The following RBPJ variants were observed in gnomAD, a reference collection of about 807,000 sequenced individuals.
RBPJ encodes recombining binding protein suppressor of hairless.
Under a neutral mutation model 67.8 loss-of-function variants are expected in RBPJ, and 9 were observed. The observed-to-expected ratio is 0.13, with a 90% CI of 0.08 to 0.23. The LOEUF is 0.23. Among genes scored for constraint, RBPJ ranks in the 10% least tolerant of loss-of-function variants. The pLI, the probability that RBPJ is intolerant of heterozygous loss-of-function variation, is 1.00. For synonymous variants in RBPJ, 198 were observed against 203.3 expected (o/e 0.97, Z 0.22); for missense variants, 305 against 595.6 (o/e 0.51, Z 5.08).
chr4:26,244,240 T>TATGTGTACACATACAC (rs1719770238), intron 1 of RBPJ, among the ~76,000 whole-genome samples: 1 of 105,440 alleles, frequency 9.5e-6, no homozygotes, highest in Non-Finnish European at 2.0e-5. Flanking sequence ...TATGTGTCTA[T>TATGTGTACACATACAC]ATATGTGTAC....
At chr4:26,145,005 C>T in the RBPJ span, among the ~76,000 whole-genome samples, 1 of 151,848 alleles carries the variant, frequency 6.6e-6, no homozygotes, top group Admixed American at 6.6e-5. Context: ...AGTAAGTCTC[C>T]CTCAACCTGC....
chr4:26,216,307 A>G (rs562615104), intron 1 of RBPJ, among the ~76,000 whole-genome samples: 9 of 152,288 alleles, frequency 5.9e-5, no homozygotes, highest in Admixed American at 3.9e-4. Context: ...TCATTTGGGA[A>G]GGGGGCCACC....
At chr4:26,361,058 C>CGTGT (rs55870302) in intron 1 of RBPJ, among the ~76,000 whole-genome samples, 4,749 of 148,750 alleles carry the variant, frequency 0.032, 218 homozygotes, top group African/African-American at 0.1. Flanking sequence ...AGTGTGTGTG[C>CGTGT]GTGTGTGTGT....
chr4:26,429,050 G>T (rs1185295484), intron 8 of RBPJ, among the ~76,000 whole-genome samples, 190 bp downstream of exon 8: 1 of 152,158 alleles, frequency 6.6e-6, no homozygotes, highest in Non-Finnish European at 1.5e-5. Context: ...CCTCAAGGAA[G>T]AACTCAAAAT....
At chr4:26,268,235 T>A (rs1368117774) in intron 1 of RBPJ, among the ~76,000 whole-genome samples, 1 of 152,116 alleles carries the variant, frequency 6.6e-6, no homozygotes, top group Non-Finnish European at 1.5e-5. Flanking sequence ...TTTGTTTGCC[T>A]CATTCCTTTA....
At chr4:26,263,100 T>G (rs1211309732) in intron 1 of RBPJ, among the ~76,000 whole-genome samples, 2 of 152,222 alleles carry the variant, frequency 1.3e-5, no homozygotes, top group African/African-American at 4.8e-5. Context: ...CGCACTTTGA[T>G]TGTACCCTAT....
chr4:26,136,120 A>T, the RBPJ span, among the ~76,000 whole-genome samples: 1 of 152,200 alleles, frequency 6.6e-6, no homozygotes, highest in Non-Finnish European at 1.5e-5. Flanking sequence ...CGCTACCACA[A>T]GGACAGTATG....
chr4:26,214,998 G>GGGAA (rs1204609052), intron 1 of RBPJ, among the ~76,000 whole-genome samples: 1 of 32,096 alleles, frequency 3.1e-5, no homozygotes, highest in Admixed American at 3.3e-4. Context: ...GAGGGAGGGA[G>GGGAA]GGAAGGAAGG....
chr4:26,117,311 C>T, the RBPJ span, among the ~76,000 whole-genome samples: 1 of 152,204 alleles, frequency 6.6e-6, no homozygotes, highest in African/African-American at 2.4e-5. Context: ...AAGCATCCTG[C>T]CCTGGCTTTT....
intron 1 of RBPJ, among the ~76,000 whole-genome samples, chr4:26,234,732 A>G (rs980134777): frequency 1.3e-5 from 2 of 151,938 alleles, no homozygotes; most frequent in African/African-American, 4.8e-5. Context: ...TCGCTCTGTC[A>G]CCCAGGCTGG....
At chr4:26,290,985 C>T (rs1327056912) in intron 1 of RBPJ, among the ~76,000 whole-genome samples, 1 of 150,980 alleles carries the variant, frequency 6.6e-6, no homozygotes, top group Admixed American at 6.6e-5. Flanking sequence ...AAGCATTCCC[C>T]TTGAATGCTG....
chr4:26,214,639 G>A (rs1179028950), intron 1 of RBPJ, among the ~76,000 whole-genome samples: 1 of 130,504 alleles, frequency 7.7e-6, no homozygotes, highest in African/African-American at 3.1e-5. Flanking sequence ...GAAAGAAAAA[G>A]AAAAAAGAAA....
At chr4:26,141,042 T>G in the RBPJ span, among the ~76,000 whole-genome samples, 1 of 152,140 alleles carries the variant, frequency 6.6e-6, no homozygotes, top group Non-Finnish European at 1.5e-5. Context: ...TAAGACTGTC[T>G]GGGGTAGATC....
intron 4 of RBPJ, among the ~76,000 whole-genome samples, chr4:26,419,049 G>A (rs1195771252): frequency 2.0e-5 from 3 of 152,156 alleles, no homozygotes; most frequent in South Asian, 2.1e-4. Flanking sequence ...TGGGATCACG[G>A]CCCATTACAA....
At chr4:26,387,799 A>G (rs1318592771) in intron 2 of RBPJ, among the ~76,000 whole-genome samples, 1 of 152,222 alleles carries the variant, frequency 6.6e-6, no homozygotes, top group African/African-American at 2.4e-5. Flanking sequence ...AGGGCTATGA[A>G]TTGTGCCTGT....
At chr4:26,378,170 C>T (rs968009924) in intron 1 of RBPJ, among the ~76,000 whole-genome samples, 2 of 151,952 alleles carry the variant, frequency 1.3e-5, no homozygotes, top group African/African-American at 4.8e-5. Flanking sequence ...TTGGCTTGTT[C>T]CTTATGTTTA....
At chr4:26,399,869 G>A (rs541087436) in intron 2 of RBPJ, among the ~76,000 whole-genome samples, 4 of 151,972 alleles carry the variant, frequency 2.6e-5, no homozygotes, top group African/African-American at 9.6e-5. Flanking sequence ...TGTAGAGATG[G>A]GGTTTCACTA....
rs368423775 is a variant in RBPJ, at chr4:26,247,419, G to C, written c.-167+83805G>C. 6.1e-5 allele frequency among the ~76,000 whole-genome samples: 9 copies of C among 147,978 alleles called. No individual in the cohort carries two copies. The East Asian group carries it at 9.8e-4, about 16-fold the overall frequency. On this transcript the variant is annotated intron_variant, in intron 1 of 4. Coordinates refer to the RBPJ transcript ENST00000512351. ...ATTTTTTCATAATACTTTTTTTTTT[G>C]GGTGGAGGGGGACGGAGTTTCGCTC...
chr4:26,244,240 T>TATATGTATACAC lies in RBPJ; in HGVS notation c.-167+80632_-167+80633insATACACATATGT, dbSNP rs1560225972. 3.9e-4 allele frequency among the ~76,000 whole-genome samples: 41 copies of TATATGTATACAC among 105,456 alleles called. 3 individuals are homozygous for TATATGTATACAC. Among genetic ancestry groups the TATATGTATACAC allele is most frequent in the East Asian group, 8.2e-4 (3 of 3,672 alleles). 69.2% of individuals were successfully genotyped at this position (105,456 alleles called of 152,430 possible). ...ATATGTGTACACATATATGTGTCTA[T>TATATGTATACAC]ATATGTGTACACATACACATATGTG... On this transcript the variant is annotated intron_variant, in intron 1 of 4. Coordinates refer to the RBPJ transcript ENST00000512351.
Sources: gnomAD v4.1 joint callset for allele counts (sites outside exome capture counted in the v4.1 genomes callset) on GRCh38, gnomAD v4.1.1 for gene constraint, MANE v1.5 for transcripts, NCBI Gene and HGNC (gene_info 2026-07-23, HGNC 2026-07-21) for gene names.